The following PVT1 variants were observed in gnomAD, a reference collection of about 807,000 sequenced individuals.
The protein encoded by PVT1 is Pvt1 oncogene, also known as CXCR4/PVT1 fusion.
intron 2 of PVT1, among the ~76,000 whole-genome samples, chr8:127,886,916 G>A (rs1815529474): frequency 6.6e-6 from 1 of 152,154 alleles, no homozygotes; most frequent in Non-Finnish European, 1.5e-5. Context: ...GTGATACTTG[G>A]TAAGGACTGA....
At chr8:128,019,634 A>G (rs1292416642) in intron 4 of PVT1, among the ~76,000 whole-genome samples, 1 of 152,212 alleles carries the variant, frequency 6.6e-6, no homozygotes, top group Non-Finnish European at 1.5e-5. Context: ...TTGCAATGGT[A>G]TTGATAAGTG....
At chr8:128,077,600 A>G (rs567237609) in intron 5 of PVT1, among the ~76,000 whole-genome samples, 2 of 152,360 alleles carry the variant, frequency 1.3e-5, no homozygotes, top group Non-Finnish European at 2.9e-5. Flanking sequence ...CAGTACCACG[A>G]ATAGAGAAAA....
At chr8:127,962,323 G>C (rs76050319) in intron 3 of PVT1, among the ~76,000 whole-genome samples, 1 of 152,186 alleles carries the variant, frequency 6.6e-6, no homozygotes, top group Non-Finnish European at 1.5e-5. Context: ...CACATTTAGG[G>C]GGTTGTTGTT....
intron 3 of PVT1, among the ~76,000 whole-genome samples, chr8:127,893,745 A>G (rs1815639908): frequency 6.6e-6 from 1 of 152,162 alleles, no homozygotes. Flanking sequence ...GGGCCTTAGT[A>G]CATTCATTCA....
chr8:127,965,036 A>G (rs894645797), intron 3 of PVT1, among the ~76,000 whole-genome samples: 1 of 152,154 alleles, frequency 6.6e-6, no homozygotes, highest in African/African-American at 2.4e-5. Context: ...TAAGGGCAAT[A>G]TCTTTTTTCG....
rs1296575228 is a variant in PVT1 at position 127,937,578 on chromosome 8, C to CAGAGAGAGAGAGAG, written n.782+46581_782+46582insGAGAGAGAGAGAGA. ...ACACACACACACACACACACACACACACAGAGAGAGAGAGAGAGAGAGAGA... is the reference window on the plus strand; with the variant it reads ...ACACACACACACACACACACACACACAGAGAGAGAGAGAGACAGAGAGAGAGAGAGAGAGAGAGA... On this transcript the variant is annotated intron_variant and non_coding_transcript_variant, in intron 3 of 10. Coordinates refer to ENST00000651587, the Ensembl canonical transcript of PVT1. Among the ~76,000 whole-genome samples, 497 of 119,254 alleles carry CAGAGAGAGAGAGAG rather than the reference C, an allele frequency of 4.2e-3. 1 individual carries two copies. The highest frequency in any genetic ancestry group is 0.014 in the African/African-American group (426 of 31,228). 78.2% of individuals were successfully genotyped at this position (119,254 alleles called of 152,430 possible).
chr8:127,864,429 C>T (rs1815264113), intron 2 of PVT1, among the ~76,000 whole-genome samples: 2 of 152,208 alleles, frequency 1.3e-5, no homozygotes, highest in Non-Finnish European at 2.9e-5. Context: ...TAACTGGATG[C>T]CTGCTCCTGG....
At chr8:127,922,638 G>A (rs1414155102) in intron 3 of PVT1, among the ~76,000 whole-genome samples, 2 of 152,176 alleles carry the variant, frequency 1.3e-5, no homozygotes, top group East Asian at 1.9e-4. Flanking sequence ...AGGACTCCTT[G>A]AAGAGGGAGA....
At chr8:127,897,228 A>T (rs983959261) in intron 3 of PVT1, among the ~76,000 whole-genome samples, 1 of 152,236 alleles carries the variant, frequency 6.6e-6, no homozygotes, top group Admixed American at 6.5e-5. Context: ...GCTGTGGTGC[A>T]GGACCGTGGC....
At chr8:127,958,470 G>A (rs920697482) in intron 3 of PVT1, among the ~76,000 whole-genome samples, 4 of 152,124 alleles carry the variant, frequency 2.6e-5, no homozygotes, top group Admixed American at 2.0e-4. Context: ...GAACTCCTGA[G>A]CTCAGGCATC....
intron 4 of PVT1, among the ~76,000 whole-genome samples, chr8:127,993,767 T>C (rs1349621658): frequency 2.0e-5 from 3 of 152,178 alleles, no homozygotes; most frequent in Admixed American, 2.0e-4. Flanking sequence ...AAGGCAGCCC[T>C]GTCATCTGCC....
At chr8:127,948,543 C>T (rs902179783) in intron 3 of PVT1, 7 of 154,626 alleles carry the variant, frequency 4.5e-5, no homozygotes, top group African/African-American at 1.7e-4. Context: ...GTCCTACTCA[C>T]CCATACCTCA....
At chr8:127,970,289 G>GTTTTTT (rs68010926) in intron 3 of PVT1, among the ~76,000 whole-genome samples, 4,767 of 49,028 alleles carry the variant, frequency 0.097, 1,684 homozygotes, top group East Asian at 0.2. Context: ...GCCATGATTT[G>GTTTTTT]TTTTTTTTTT....
intron 2 of PVT1, among the ~76,000 whole-genome samples, chr8:127,882,103 G>T (rs1815474563): frequency 6.6e-6 from 1 of 152,166 alleles, no homozygotes; most frequent in African/African-American, 2.4e-5. Context: ...TGTGCCCAAG[G>T]CCACACGGTT....
chr8:127,800,790 T>C (rs924047149), intron 2 of PVT1, among the ~76,000 whole-genome samples: 2 of 152,194 alleles, frequency 1.3e-5, no homozygotes, highest in African/African-American at 2.4e-5. Flanking sequence ...ATTTCCATGC[T>C]AGAGCTTAGG....
intron 5 of PVT1, among the ~76,000 whole-genome samples, chr8:128,078,263 G>T (rs530357354): frequency 2.6e-5 from 4 of 152,200 alleles, no homozygotes; most frequent in Non-Finnish European, 5.9e-5. Flanking sequence ...ATACATAAAT[G>T]CTTGCTGGGT....
intron 2 of PVT1, among the ~76,000 whole-genome samples, chr8:127,820,202 G>T (rs938715849): frequency 6.6e-6 from 1 of 152,176 alleles, no homozygotes; most frequent in Non-Finnish European, 1.5e-5. Context: ...AGTTTAATCA[G>T]CAAGAGTGGA....
At chr8:127,923,610 A>T (rs1816091793) in intron 3 of PVT1, among the ~76,000 whole-genome samples, 1 of 152,222 alleles carries the variant, frequency 6.6e-6, no homozygotes, top group Non-Finnish European at 1.5e-5. Flanking sequence ...TCTCCCCAAC[A>T]GCATCACAGT....
At chr8:128,006,060 G>A (rs775204846) in intron 4 of PVT1, among the ~76,000 whole-genome samples, 36 of 150,404 alleles carry the variant, frequency 2.4e-4, no homozygotes, top group Admixed American at 1.3e-3. Context: ...CTGAGATTGC[G>A]CCACTGCACT....
Sources: allele counts gnomAD v4.1 joint callset (sites outside exome capture counted in the v4.1 genomes callset), GRCh38; gene constraint gnomAD v4.1.1; transcripts MANE v1.5; gene names NCBI Gene and HGNC (gene_info 2026-07-23, HGNC 2026-07-21).